Variants in HIBADH observed in about 807,000 individuals in gnomAD.
HIBADH encodes the protein 3-hydroxyisobutyrate dehydrogenase.
Under a neutral mutation model 36.1 loss-of-function variants are expected in HIBADH, and 25 were observed. That is an observed-to-expected ratio of 0.69 (90% CI 0.50 to 0.97). The LOEUF is 0.97. HIBADH is among the 50% of genes least tolerant of loss of function. The pLI is 0.00. For synonymous variants in HIBADH, 160 were observed against 149.5 expected (o/e 1.07, Z -0.51); for missense variants, 421 against 418.0 (o/e 1.01, Z -0.06).
At chr7:27,606,592 T>C (rs1785233264) in intron 4 of HIBADH, among the ~76,000 whole-genome samples, 1 of 152,208 alleles carries the variant, frequency 6.6e-6, no homozygotes. Context: ...TTTAATGGCT[T>C]TGGCCAAGAG....
intron 1 of HIBADH, among the ~76,000 whole-genome samples, chr7:27,653,833 A>G (rs1367308507): frequency 6.6e-6 from 1 of 152,184 alleles, no homozygotes; most frequent in Admixed American, 6.5e-5. Context: ...TTAAGAGGTG[A>G]AATTTGTAAA....
At chr7:27,532,554 A>G (rs1784018114) in intron 6 of HIBADH, among the ~76,000 whole-genome samples, 1 of 152,250 alleles carries the variant, frequency 6.6e-6, no homozygotes, top group South Asian at 2.1e-4. Context: ...GTATGGAATT[A>G]CCACATAATA....
intron 4 of HIBADH, among the ~76,000 whole-genome samples, chr7:27,596,509 C>T (rs1449593968): frequency 1.3e-5 from 2 of 152,222 alleles, no homozygotes; most frequent in Non-Finnish European, 2.9e-5. Flanking sequence ...AACACACATA[C>T]TCTTTGACCT....
chr7:27,552,751 TTC>T (rs1284617809), intron 4 of HIBADH, among the ~76,000 whole-genome samples: 1 of 152,362 alleles, frequency 6.6e-6, no homozygotes, highest in South Asian at 2.1e-4. Context: ...GCAATTTGCC[TTC>T]TCTCTTACCT....
At chr7:27,557,481 C>T (rs1244207930) in intron 4 of HIBADH, among the ~76,000 whole-genome samples, 1 of 152,144 alleles carries the variant, frequency 6.6e-6, no homozygotes, top group Non-Finnish European at 1.5e-5. Context: ...CACAGAATAT[C>T]ACAGACTGGG....
At chr7:27,527,520 A>G (rs1562609655) in intron 7 of HIBADH, among the ~76,000 whole-genome samples, 1 of 152,200 alleles carries the variant, frequency 6.6e-6, no homozygotes, top group Non-Finnish European at 1.5e-5. Context: ...AAGTATGGGC[A>G]CATCTTGTCT....
chr7:27,629,921 T>G lies in HIBADH; in HGVS notation c.363-429A>C, dbSNP rs145180130. Reference sequence around the variant, plus strand: ...TTTATTTGTCTTTAACAAGCCATACTGCAAATTTCATATATCCGTGTTATT... The same window carrying G: ...TTTATTTGTCTTTAACAAGCCATACGGCAAATTTCATATATCCGTGTTATT... On this transcript the variant is annotated intron_variant, in intron 3 of 7. Transcript: ENST00000265395. Among the ~76,000 whole-genome samples the G allele has an allele frequency of 4.1e-3, 623 of 150,778 alleles. 4 individuals carry two copies. The highest frequency in any genetic ancestry group is 0.021 in the Middle Eastern group (6 of 290).
At chr7:27,656,300 A>G (rs1786302592) in intron 1 of HIBADH, among the ~76,000 whole-genome samples, 1 of 152,232 alleles carries the variant, frequency 6.6e-6, no homozygotes, top group Non-Finnish European at 1.5e-5. Context: ...AGTTTATTAC[A>G]GCACTACTTG....
chr7:27,559,814 A>G (rs979895857), intron 4 of HIBADH, among the ~76,000 whole-genome samples: 1 of 152,194 alleles, frequency 6.6e-6, no homozygotes, highest in Non-Finnish European at 1.5e-5. Flanking sequence ...GTAGTATTCT[A>G]TTAAACTAAG....
chr7:27,609,175 AAC>A (rs973286249), intron 4 of HIBADH, among the ~76,000 whole-genome samples: 1 of 152,224 alleles, frequency 6.6e-6, no homozygotes, highest in African/African-American at 2.4e-5. Context: ...TGCCTTCTCT[AAC>A]ACATTCTTCT....
At chr7:27,645,382 T>TTTTTTTTTTTTTTTTTG in intron 2 of HIBADH, among the ~76,000 whole-genome samples, 40 of 129,076 alleles carry the variant, frequency 3.1e-4, no homozygotes, top group African/African-American at 1.2e-3. Flanking sequence ...TTTTTTTTTT[T>TTTTTTTTTTTTTTTTTG]TTTTTTTTTT....
intron 4 of HIBADH, among the ~76,000 whole-genome samples, chr7:27,586,138 GA>G (rs1217996193): frequency 1.3e-5 from 2 of 152,094 alleles, no homozygotes; most frequent in African/African-American, 4.8e-5. Flanking sequence ...TAAATTATTA[GA>G]TTATCACCAA....
intron 4 of HIBADH, among the ~76,000 whole-genome samples, chr7:27,598,759 C>T (rs1446842677): frequency 1.3e-5 from 2 of 152,048 alleles, no homozygotes; most frequent in African/African-American, 2.4e-5. Context: ...ATGCAATCTG[C>T]ACTTTGCAGA....
chr7:27,564,250 G>A (rs985274998), intron 4 of HIBADH, among the ~76,000 whole-genome samples: 3 of 152,018 alleles, frequency 2.0e-5, no homozygotes, highest in African/African-American at 4.8e-5. Context: ...ATTATGCTTT[G>A]GGTGCCATAT....
intron 4 of HIBADH, among the ~76,000 whole-genome samples, chr7:27,607,508 C>CA (rs973834906): frequency 5.5e-4 from 82 of 149,108 alleles, no homozygotes; most frequent in African/African-American, 1.1e-3. Flanking sequence ...GACTTTGTCT[C>CA]AAAAAAAAAC....
At chr7:27,628,125 A>C (rs1000552611) in intron 4 of HIBADH, among the ~76,000 whole-genome samples, 2 of 152,082 alleles carry the variant, frequency 1.3e-5, no homozygotes, top group Admixed American at 1.3e-4. Context: ...CCAACCTTAA[A>C]ACTGCTTATT....
intron 4 of HIBADH, among the ~76,000 whole-genome samples, chr7:27,559,526 G>A (rs1474242895): frequency 6.6e-6 from 1 of 152,122 alleles, no homozygotes. Flanking sequence ...CAGCTTCTTA[G>A]GAGGCTGAAG....
At chr7:27,644,599 CAAAA>C (rs57443714) in intron 2 of HIBADH, among the ~76,000 whole-genome samples, 1 of 112,686 alleles carries the variant, frequency 8.9e-6, no homozygotes, top group Non-Finnish European at 1.7e-5. Context: ...GACTCCATCT[CAAAA>C]AAAAAAAAAA....
chr7:27,576,395 T>C (rs917982532), intron 4 of HIBADH, among the ~76,000 whole-genome samples: 1 of 152,214 alleles, frequency 6.6e-6, no homozygotes, highest in Admixed American at 6.5e-5. Context: ...CATAACCACA[T>C]ATGCAAAGTA....
Sources: gnomAD v4.1 joint callset for allele counts (sites outside exome capture counted in the v4.1 genomes callset) on GRCh38, gnomAD v4.1.1 for gene constraint, MANE v1.5 for transcripts, NCBI Gene and HGNC (gene_info 2026-07-23, HGNC 2026-07-21) for gene names.